The following CDH2 variants were observed in gnomAD, a reference collection of about 807,000 sequenced individuals.
CDH2 encodes cadherin-2.
In CDH2, 17 loss-of-function variants were observed where a neutral mutation model predicts 92.0. The ratio of observed to expected loss-of-function variants is 0.18; its 90% CI spans 0.13 to 0.28. The LOEUF is 0.28. Among genes scored for constraint, CDH2 ranks in the 10% least tolerant of loss-of-function variants. The probability of loss-of-function intolerance (pLI) is 1.00; values close to 1 mark genes in which losing one functional copy is unlikely to be tolerated. For synonymous variants in CDH2, 419 were observed against 415.9 expected (o/e 1.01, Z -0.09); for missense variants, 862 against 1,133.1 (o/e 0.76, Z 3.44).
chr18:27,958,625 A>G (rs2011317605), intron 15 of CDH2, among the ~76,000 whole-genome samples: 1 of 151,592 alleles, frequency 6.6e-6, no homozygotes, highest in Non-Finnish European at 1.5e-5. Context: ...ATATATGTGT[A>G]TATGTGATAT....
chr18:27,979,438 G>A (rs1271102666), intron 14 of CDH2, among the ~76,000 whole-genome samples: 2 of 152,118 alleles, frequency 1.3e-5, no homozygotes, highest in Non-Finnish European at 2.9e-5. Context: ...GACTGTAGTC[G>A]AGCTGCACAT....
rs1005150514 is a variant in CDH2, at chr18:28,122,698, C to T, written c.172+24975G>A. Among the ~76,000 whole-genome samples the T allele has an allele frequency of 2.6e-5, 4 of 152,090 alleles. 1 individual carries two copies. The highest frequency in any genetic ancestry group is 4.4e-5 in the Non-Finnish European group (3 of 68,000). ...ACTAAGAAATAAACTCTTTAAATCA[C>T]GACCTTATAAGGTGATTCCATCAAA... On this transcript the variant is annotated intron_variant, in intron 2 of 15. Transcript: ENST00000269141.
intron 9 of CDH2, among the ~76,000 whole-genome samples, chr18:27,991,877 G>A (rs889954493): frequency 2.0e-5 from 3 of 152,184 alleles, no homozygotes; most frequent in African/African-American, 4.8e-5. Context: ...TAAGTGGGAG[G>A]CAAAGAAGTA....
At chr18:28,165,709 CTT>C (rs10540750) in intron 1 of CDH2, among the ~76,000 whole-genome samples, 10,361 of 144,516 alleles carry the variant, frequency 0.072, 1,149 homozygotes, top group African/African-American at 0.24. Context: ...AGTCCCCAAT[CTT>C]TTTTTTTTTT....
intron 15 of CDH2, among the ~76,000 whole-genome samples, chr18:27,961,044 A>G (rs932547778): frequency 1.3e-5 from 2 of 151,978 alleles, no homozygotes; most frequent in Non-Finnish European, 2.9e-5. Flanking sequence ...AAAAAAATCA[A>G]TGACCATAGA....
intron 11 of CDH2, among the ~76,000 whole-genome samples, chr18:27,986,405 T>C (rs1344456369): frequency 6.6e-6 from 1 of 152,168 alleles, no homozygotes; most frequent in Admixed American, 6.5e-5. Flanking sequence ...GTCTGTAAAC[T>C]GCTCATGGCC....
intron 2 of CDH2, among the ~76,000 whole-genome samples, chr18:28,078,749 T>C (rs749547173): frequency 3.3e-5 from 5 of 152,018 alleles, no homozygotes; most frequent in Admixed American, 2.6e-4. Flanking sequence ...GACCCTAACA[T>C]GTCCACACAA....
At chr18:27,965,143 G>A (rs913233370) in intron 14 of CDH2, among the ~76,000 whole-genome samples, 2 of 152,178 alleles carry the variant, frequency 1.3e-5, no homozygotes, top group Non-Finnish European at 2.9e-5. Flanking sequence ...CACACAGCTA[G>A]TATATGACTA....
intron 2 of CDH2, among the ~76,000 whole-genome samples, chr18:28,049,032 A>C (rs2014137279): frequency 6.6e-6 from 1 of 152,172 alleles, no homozygotes; most frequent in Admixed American, 6.5e-5. Context: ...TCATTCCGTG[A>C]ACCTAACTGA....
Position 27,985,540 on chromosome 18 carries a change from T to A in CDH2, c.1963A>T (p.Thr655Ser). The change falls in exon 12 of 16, where the codon ACT (threonine) becomes TCT (serine). Residue 655 changes from threonine to serine, a missense_variant. By Grantham distance (58) the Thr-to-Ser change is moderately conservative (BLOSUM62 1). This residue lies in a region of CDH2 where 564 missense variants were observed against 722.2 expected (regional missense o/e 0.78). Coordinates refer to ENST00000269141, the MANE Select transcript of CDH2 (RefSeq NM_001792.5). ...PVTIKRNWTI[T>S]RLNGDFAQLN... The stretch of plus-strand genomic sequence containing the variant: ...AACCTGTTCTTACCATTAAGCCGAG[T>A]GATGGTCCAATTTCTCTTAATAGTC... 6.2e-7 allele frequency: 1 copy of A among 1,607,736 alleles called. No homozygotes were observed. Among genetic ancestry groups the A allele is most frequent in the South Asian group, 1.1e-5 (1 of 90,960 alleles).
chr18:28,174,292 C>T (rs1030085943), intron 1 of CDH2, among the ~76,000 whole-genome samples: 1 of 152,026 alleles, frequency 6.6e-6, no homozygotes, highest in African/African-American at 2.4e-5. Context: ...CAGCTGACTG[C>T]AGGACAGCCA....
Position 27,955,601 on chromosome 18 carries a change from C to A in CDH2, c.2515-3242G>T, listed in dbSNP as rs187975784. ...AGGACTCTTCATCAAATGACTAAGC[C>A]ACCTAATTCAATTCCTTAAAATAAA... is the stretch of plus-strand genomic sequence containing the variant. On this transcript the variant is annotated intron_variant, in intron 15 of 15. Coordinates refer to ENST00000269141, the MANE Select transcript of CDH2 (RefSeq NM_001792.5). Among the ~76,000 whole-genome samples the A allele has an allele frequency of 6.0e-4, 91 of 151,864 alleles. 1 individual carries two copies. The highest frequency in any genetic ancestry group is 5.0e-4 in the Non-Finnish European group (34 of 67,944).
intron 2 of CDH2, among the ~76,000 whole-genome samples, chr18:28,108,758 A>G (rs1362733805): frequency 6.6e-6 from 1 of 151,510 alleles, no homozygotes; most frequent in African/African-American, 2.4e-5. Flanking sequence ...TGTGCTTTGC[A>G]AAAAACATAG....
Position 28,137,605 on chromosome 18 carries a change from C to G in CDH2, c.172+10068G>C, listed in dbSNP as rs536928516. On this transcript the variant is annotated intron_variant, in intron 2 of 15. Transcript: ENST00000269141. ...ACAAAAACAAAAACAAAAACAAAAA[C>G]AAAAAACTGTGCTCAAATGTCCGAA... Among the ~76,000 whole-genome samples, 39 of 144,582 alleles carry G rather than the reference C, an allele frequency of 2.7e-4. No individual in the cohort carries two copies. The East Asian group carries it at 4.5e-3, about 17-fold the overall frequency. The allele number at this position is 144,582 out of a possible 152,430, so 94.9% of individuals were successfully genotyped here.
At chr18:27,978,264 C>A (rs894042595) in intron 14 of CDH2, among the ~76,000 whole-genome samples, 1 of 151,968 alleles carries the variant, frequency 6.6e-6, no homozygotes, top group Admixed American at 6.6e-5. Flanking sequence ...ACAAACTTTG[C>A]AGAATATAGT....
At chr18:28,095,114 G>GT (rs2015108456) in intron 2 of CDH2, among the ~76,000 whole-genome samples, 1 of 152,108 alleles carries the variant, frequency 6.6e-6, no homozygotes, top group Non-Finnish European at 1.5e-5. Flanking sequence ...AGGGACTCAA[G>GT]TTTTTCCTCC....
rs775758310 is a variant in CDH2 at position 28,159,658 on chromosome 18, G to GTT, written c.61-11876_61-11875dup. Among the ~76,000 whole-genome samples, 136 of 134,886 alleles carry GTT rather than the reference G, an allele frequency of 1.0e-3. 2 individuals are homozygous for GTT. The highest frequency in any genetic ancestry group is 2.8e-3 in the African/African-American group (102 of 36,922). 88.5% of individuals were successfully genotyped at this position (134,886 alleles called of 152,430 possible). A position where few individuals can be genotyped will look rare whatever the true frequency, so the allele number is the denominator to read the frequency against. ...TTTACTCAGGACCTGCAATTTTTTT[G>GTT]TTTTTTTTTTTTTTTTGAAAGGGAG... is the stretch of plus-strand genomic sequence containing the variant. On this transcript the variant is annotated intron_variant, in intron 1 of 15. Coordinates refer to ENST00000269141, the MANE Select transcript of CDH2 (RefSeq NM_001792.5).
intron 2 of CDH2, among the ~76,000 whole-genome samples, chr18:28,118,144 C>A (rs1001676601): frequency 2.0e-5 from 3 of 151,146 alleles, no homozygotes; most frequent in African/African-American, 7.3e-5. Context: ...TCTATCCATA[C>A]AATAAAACCG....
At chr18:28,046,498 G>A (rs1268210736) in intron 2 of CDH2, among the ~76,000 whole-genome samples, 1 of 152,116 alleles carries the variant, frequency 6.6e-6, no homozygotes, top group Non-Finnish European at 1.5e-5. Context: ...GATGCTTTGG[G>A]TGGGAAAGAA....
Sources: gnomAD v4.1 joint callset for allele counts (sites outside exome capture counted in the v4.1 genomes callset) on GRCh38, gnomAD v4.1.1 for gene constraint, gnomAD v4.1.1 regional missense constraint, MANE v1.5 for transcripts, NCBI Gene and HGNC (gene_info 2026-07-23, HGNC 2026-07-21) for gene names.